EDNRB: variants seen among roughly 807,000 people sequenced by gnomAD.
EDNRB encodes the protein endothelin receptor type B, also known as Hirschsprung disease 2.
A neutral mutation model predicts 46.4 loss-of-function variants in EDNRB; 18 were observed. The observed-to-expected ratio is 0.39, with a 90% CI of 0.27 to 0.57. The LOEUF (loss-of-function observed/expected upper bound fraction) is 0.57, where lower values mean the gene tolerates loss of function less well. Ranked by LOEUF, EDNRB falls within the 20% of genes least tolerant of loss-of-function variation. The pLI is 0.61. For synonymous variants in EDNRB, 213 were observed against 204.9 expected, an observed-to-expected ratio of 1.04 and a Z score of -0.34; for missense variants, 434 against 537.5, an observed-to-expected ratio of 0.81 and a Z score of 1.90.
upstream of EDNRB, among the ~76,000 whole-genome samples, chr13:77,922,347 G>A (rs758716207): frequency 4.6e-5 from 7 of 152,128 alleles, no homozygotes; most frequent in Non-Finnish European, 7.4e-5. Flanking sequence ...TTCTCAAAGA[G>A]GTTTGCCATG....
chr13:77,898,004 T>G lies in EDNRB; in HGVS notation c.*196A>C. 1 of 1,380,194 alleles carries G rather than the reference T, an allele frequency of 7.2e-7. No homozygotes were observed. The highest frequency in any genetic ancestry group is 9.4e-7 in the Non-Finnish European group (1 of 1,067,536). The allele number at this position is 1,380,194 out of a possible 1,614,324, so 85.5% of individuals were successfully genotyped here. A position where few individuals can be genotyped will look rare whatever the true frequency, so the allele number is the denominator to read the frequency against. ...ACGACGAGGCTTTCTTAATTCCCAC[T>G]GATTTTCTTTCCATGCCGTAAACAG... On this transcript the variant is annotated 3_prime_UTR_variant, in exon 7 of 7. Coordinates refer to ENST00000646607, the MANE Select transcript of EDNRB (RefSeq NM_001122659.3).
chr13:77,939,671 T>G (rs559919558), intron 1 of EDNRB: 98 of 152,296 alleles, frequency 6.4e-4, no homozygotes, highest in African/African-American at 2.3e-3. Context: ...TCCTAGATGT[T>G]TTTTATATTA....
At chr13:77,971,879 AG>A (rs1881745529) in intron 1 of EDNRB, among the ~76,000 whole-genome samples, 1 of 152,204 alleles carries the variant, frequency 6.6e-6, no homozygotes, top group African/African-American at 2.4e-5. Flanking sequence ...AATGGACTAA[AG>A]CCCAAGTGTC....
At chr13:77,900,864 C>T (rs1171375551) in intron 4 of EDNRB, among the ~76,000 whole-genome samples, 194 bp downstream of exon 4, 1 of 151,762 alleles carries the variant, frequency 6.6e-6, no homozygotes, top group Non-Finnish European at 1.5e-5. Flanking sequence ...TCCCTAGATC[C>T]TTTTAGATTA....
At chr13:77,938,789 T>C (rs1880644370) in intron 1 of EDNRB, among the ~76,000 whole-genome samples, 1 of 151,780 alleles carries the variant, frequency 6.6e-6, no homozygotes, top group Non-Finnish European at 1.5e-5. Context: ...GGTTGAGGGA[T>C]AGTGAGAGAG....
rs1453973634 is a variant in EDNRB at position 77,897,663 on chromosome 13, A to G, written c.*537T>C. ...TCATTTAAATGTTTCCAGTGTCCGA[A>G]AAATGCAACAACTAAACTGCTCTCT... On this transcript the variant is annotated 3_prime_UTR_variant, in exon 7 of 7. Transcript: ENST00000646607. The G allele has an allele frequency of 1.0e-6, 1 of 986,416 alleles. No homozygotes were observed. Among genetic ancestry groups the G allele is most frequent in the Non-Finnish European group, 1.2e-6 (1 of 830,846 alleles). 61.1% of individuals were successfully genotyped at this position (986,416 alleles called of 1,614,324 possible).
chr13:77,918,996 A>T (rs1879971687), upstream of EDNRB: 5 of 886,186 alleles, frequency 5.6e-6, no homozygotes, highest in Non-Finnish European at 7.2e-6. This position sits in a 1 kb window ranked among gnomAD's most constrained non-coding sequence, Gnocchi z 4.5. Context: ...GGAACCGCGG[A>T]ATTAAGGCAC....
intron 1 of EDNRB, among the ~76,000 whole-genome samples, chr13:77,913,176 C>T (rs1879655642): frequency 6.6e-6 from 1 of 152,156 alleles, no homozygotes; most frequent in Non-Finnish European, 1.5e-5. Flanking sequence ...TGTCTGATTA[C>T]CTGCCAAGGT....
At chr13:77,973,050 G>C (rs1378712454) in intron 1 of EDNRB, among the ~76,000 whole-genome samples, 2 of 152,278 alleles carry the variant, frequency 1.3e-5, no homozygotes, top group African/African-American at 4.8e-5. Context: ...AATTCTAGGG[G>C]TGGTATGCAT....
chr13:77,919,178 C>T (rs1879982821), upstream of EDNRB: 1 of 588,976 alleles, frequency 1.7e-6, no homozygotes, highest in Non-Finnish European at 2.8e-6. Flanking sequence ...TTCGGAAACC[C>T]GCAGAGACTT....
In EDNRB at chr13:77,927,240, C is replaced by G. The variant is rs1285663660; in HGVS notation, c.-51-8616G>C. Reference sequence around the variant, plus strand: ...AGCATCACTGTGGGATCATTGAGCCCTCAGGTCCTAGATCTAGATGCTTGA... The same window carrying G: ...AGCATCACTGTGGGATCATTGAGCCGTCAGGTCCTAGATCTAGATGCTTGA... On this transcript the variant is annotated intron_variant, in intron 1 of 7. Coordinates refer to the EDNRB transcript ENST00000646948. Among the ~76,000 whole-genome samples the G allele has an allele frequency of 2.0e-5, 3 of 152,276 alleles. No individual in the cohort carries two copies. In the East Asian group the frequency reaches 5.8e-4, roughly 29 times the overall value.
upstream of EDNRB, among the ~76,000 whole-genome samples, chr13:77,922,437 C>G (rs1032380167): frequency 6.6e-6 from 1 of 152,126 alleles, no homozygotes; most frequent in Non-Finnish European, 1.5e-5. Context: ...AAAGTTAGTA[C>G]TTTCATGTAA....
At chr13:77,931,383 C>T (rs1320754656) in intron 1 of EDNRB, among the ~76,000 whole-genome samples, 1 of 151,816 alleles carries the variant, frequency 6.6e-6, no homozygotes, top group African/African-American at 2.4e-5. Context: ...CTTGGAAAAA[C>T]TTTGGAAATA....
intron 1 of EDNRB, among the ~76,000 whole-genome samples, chr13:77,962,117 C>G (rs1881433403): frequency 1.3e-5 from 2 of 152,184 alleles, no homozygotes; most frequent in Admixed American, 1.3e-4. Flanking sequence ...ATAACAGGCT[C>G]TGAAATTGAG....
chr13:77,955,845 G>GTATCTATCTATCTATCTATCTAAC (rs1881219486), intron 1 of EDNRB, among the ~76,000 whole-genome samples: 1 of 145,636 alleles, frequency 6.9e-6, no homozygotes, highest in African/African-American at 2.6e-5. Flanking sequence ...ATGTGTGTGT[G>GTATCTATCTATCTATCTATCTAAC]TATCTATCTA....
chr13:77,896,875 C>T lies in EDNRB; in HGVS notation c.*1325G>A, dbSNP rs200722277. The T allele has an allele frequency of 2.7e-5, 28 of 1,021,446 alleles. No homozygotes were observed. Among genetic ancestry groups the T allele is most frequent in the African/African-American group, 6.9e-5 (4 of 58,192 alleles). The allele number at this position is 1,021,446 out of a possible 1,614,324, so 63.3% of individuals were successfully genotyped here. A position where few individuals can be genotyped will look rare whatever the true frequency, so the allele number is the denominator to read the frequency against. On this transcript the variant is annotated 3_prime_UTR_variant, in exon 7 of 7. Transcript: ENST00000646607. The stretch of plus-strand genomic sequence containing the variant: ...AGAAGATATAAAAATTAGGCAGGAA[C>T]GCACAAAGCTAAGAGGTTCTTACGG...
intron 1 of EDNRB, among the ~76,000 whole-genome samples, chr13:77,912,887 G>A (rs1879640492): frequency 6.6e-6 from 1 of 152,032 alleles, no homozygotes; most frequent in Admixed American, 6.5e-5. Flanking sequence ...TTATTAAACT[G>A]GGATAAATTA....
intron 1 of EDNRB, among the ~76,000 whole-genome samples, chr13:77,937,567 G>T (rs1248074711): frequency 6.6e-6 from 1 of 152,168 alleles, no homozygotes; most frequent in Non-Finnish European, 1.5e-5. Flanking sequence ...AGAGAAAAAG[G>T]TACTTGTACT....
intron 1 of EDNRB, among the ~76,000 whole-genome samples, chr13:77,963,498 T>C (rs1279001647): frequency 1.3e-5 from 2 of 152,092 alleles, no homozygotes; most frequent in Admixed American, 1.3e-4. Flanking sequence ...TTGATAAACC[T>C]GAGAAAAACA....
Sources: allele counts gnomAD v4.1 joint callset (sites outside exome capture counted in the v4.1 genomes callset), GRCh38; gene constraint gnomAD v4.1.1; non-coding constraint Gnocchi (gnomAD v3.1); transcripts MANE v1.5; gene names NCBI Gene and HGNC (gene_info 2026-07-23, HGNC 2026-07-21).